The following USP32 variants were observed in gnomAD, a reference collection of about 807,000 sequenced individuals.
USP32 encodes ubiquitin carboxyl-terminal hydrolase 32.
A neutral mutation model predicts 204.8 loss-of-function variants in USP32; 59 were observed. That is an observed-to-expected ratio of 0.29 (90% confidence interval 0.23 to 0.36). The LOEUF (loss-of-function observed/expected upper bound fraction) is 0.36. USP32 is among the 10% of genes least tolerant of loss of function. USP32 has a pLI of 1.00. For synonymous variants in USP32, 517 were observed against 678.4 expected, an observed-to-expected ratio of 0.76 and a Z score of 3.70; for missense variants, 1,160 against 1,946.4, an observed-to-expected ratio of 0.60 and a Z score of 7.60.
At chr17:60,201,206 T>G (rs985807010) in intron 26 of USP32, among the ~76,000 whole-genome samples, 1 of 152,214 alleles carries the variant, frequency 6.6e-6, no homozygotes, top group Non-Finnish European at 1.5e-5. Flanking sequence ...GTTTACGAGA[T>G]TCATTTATAC....
chr17:60,235,858 TAAATG>T (rs2085709684), intron 12 of USP32, among the ~76,000 whole-genome samples: 1 of 152,120 alleles, frequency 6.6e-6, no homozygotes, highest in South Asian at 2.1e-4. Flanking sequence ...GTGCGAGAAA[TAAATG>T]AGATGTGATG....
intron 9 of USP32, chr17:60,256,747 A>T: frequency 8.5e-7 from 1 of 1,181,674 alleles, no homozygotes; most frequent in Non-Finnish European, 1.1e-6. Context: ...AGGCTATGTA[A>T]GATCTGCCAA....
intron 26 of USP32, among the ~76,000 whole-genome samples, chr17:60,203,182 G>A (rs2084724110): frequency 6.7e-6 from 1 of 150,356 alleles, no homozygotes; most frequent in Admixed American, 6.6e-5. Flanking sequence ...GAGGCAGGCA[G>A]ATCACGAGGT....
intron 4 of USP32, among the ~76,000 whole-genome samples, chr17:60,290,826 A>T (rs2087253809): frequency 6.6e-6 from 1 of 152,036 alleles, no homozygotes; most frequent in Non-Finnish European, 1.5e-5. Context: ...AGTTGAGCTG[A>T]TTACCAATGG....
intron 19 of USP32, among the ~76,000 whole-genome samples, chr17:60,211,752 G>A (rs544850046): frequency 2.6e-5 from 4 of 151,994 alleles, no homozygotes; most frequent in African/African-American, 9.7e-5. Context: ...TAATTGCTAT[G>A]ATTTTTCAAA....
intron 11 of USP32, among the ~76,000 whole-genome samples, chr17:60,247,053 T>A (rs2086045474): frequency 6.6e-6 from 1 of 152,230 alleles, no homozygotes; most frequent in African/African-American, 2.4e-5. Context: ...TGTTTGTCCA[T>A]TTTTGCTTTG....
chr17:60,322,766 A>C (rs1052807566), intron 2 of USP32, among the ~76,000 whole-genome samples: 1 of 152,204 alleles, frequency 6.6e-6, no homozygotes, highest in Non-Finnish European at 1.5e-5. Flanking sequence ...TTGCTAAAAA[A>C]CAGAAAACTT....
At chr17:60,396,015 T>TATGAGGA (rs953772230), upstream of USP32, among the ~76,000 whole-genome samples, 1 of 151,088 alleles carries the variant, frequency 6.6e-6, no homozygotes, top group Non-Finnish European at 1.5e-5. Context: ...AGTCAAACAA[T>TATGAGGA]ATGAGGATGT....
At chr17:60,207,728 T>C (rs1436538001) in intron 24 of USP32, 1 of 198,944 alleles carries the variant, frequency 5.0e-6, no homozygotes, top group Non-Finnish European at 1.0e-5. Flanking sequence ...TACAGAAGAG[T>C]TGTCAAGGGT....
At chr17:60,271,719 A>C (rs1264521145) in intron 5 of USP32, among the ~76,000 whole-genome samples, 1 of 152,230 alleles carries the variant, frequency 6.6e-6, no homozygotes, top group African/African-American at 2.4e-5. Context: ...TTCCCCATTT[A>C]AGTAGGCTGT....
intron 9 of USP32, chr17:60,258,296 A>T: frequency 5.6e-6 from 1 of 178,016 alleles, no homozygotes; most frequent in Admixed American, 6.3e-5. Context: ...TAAGAGAAAA[A>T]CTGTTGTCAG....
chr17:60,360,604 G>C (rs1013196911), intron 1 of USP32, among the ~76,000 whole-genome samples: 1 of 151,876 alleles, frequency 6.6e-6, no homozygotes, highest in Non-Finnish European at 1.5e-5. Context: ...GTTGCAGGGA[G>C]GCAGAGGTTG....
At chr17:60,297,962 TAAG>T (rs1014064466) in intron 3 of USP32, among the ~76,000 whole-genome samples, 9 of 152,204 alleles carry the variant, frequency 5.9e-5, no homozygotes, top group African/African-American at 1.9e-4. Flanking sequence ...GGTCTCCTGA[TAAG>T]AAGACCACTG....
intron 1 of USP32, among the ~76,000 whole-genome samples, chr17:60,370,883 G>T (rs2089426966): frequency 6.6e-6 from 1 of 151,758 alleles, no homozygotes; most frequent in Non-Finnish European, 1.5e-5. Flanking sequence ...GTCTCTTGAG[G>T]CCAGGAGTTT....
chr17:60,360,426 A>C (rs2089180970), intron 1 of USP32, among the ~76,000 whole-genome samples: 1 of 152,160 alleles, frequency 6.6e-6, no homozygotes, highest in South Asian at 2.1e-4. Context: ...TGGGAGGCCA[A>C]GGTGGGTGGA....
chr17:60,349,596 A>AAAAAAAAAAATAT (rs1555618242), intron 1 of USP32, among the ~76,000 whole-genome samples: 2 of 65,202 alleles, frequency 3.1e-5, no homozygotes, highest in Non-Finnish European at 2.5e-5. Context: ...AAAAAAAAAA[A>AAAAAAAAAAATAT]ATATATATAT....
At chr17:60,223,233 T>C (rs1329964544) in intron 14 of USP32, among the ~76,000 whole-genome samples, 178 bp downstream of exon 14, 1 of 152,212 alleles carries the variant, frequency 6.6e-6, no homozygotes, top group African/African-American at 2.4e-5. Flanking sequence ...AAACTACTTC[T>C]ATGTAAGTTC....
At chr17:60,361,698 C>G (rs563205409) in intron 1 of USP32, among the ~76,000 whole-genome samples, 2 of 152,114 alleles carry the variant, frequency 1.3e-5, no homozygotes, top group Non-Finnish European at 2.9e-5. Context: ...TCCTGTATAG[C>G]CTATCTAAGG....
Position 60,185,644 on chromosome 17 carries a change from T to A in USP32, c.3650A>T (p.Asp1217Val). The change falls in exon 30 of 34, where the codon GAT (aspartate) becomes GTT (valine). Residue 1217 changes from aspartate (D) to valine (V), a missense_variant. Transcript: ENST00000300896. ...ACTCTGCTCCACACTCTCATGCTCA[T>A]CTACAACCTGCAGGTAGAGGGAACA... The part of the protein sequence containing the change: ...RYQTSQERVV[D>V]EHESVEQSRR... 6.2e-7 allele frequency: 1 copy of A among 1,609,538 alleles called. No individual in the cohort carries two copies. Among genetic ancestry groups the A allele is most frequent in the Non-Finnish European group, 8.5e-7 (1 of 1,177,818 alleles).
Sources: gnomAD v4.1 joint callset for allele counts (sites outside exome capture counted in the v4.1 genomes callset) on GRCh38, gnomAD v4.1.1 for gene constraint, MANE v1.5 for transcripts, NCBI Gene and HGNC (gene_info 2026-07-23, HGNC 2026-07-21) for gene names.